METTL16: variants seen among roughly 807,000 people sequenced by gnomAD.
METTL16 encodes the protein methyltransferase 16, RNA N6-adenosine.
A neutral mutation model predicts 57.9 loss-of-function variants in METTL16; 19 were observed. That is an observed-to-expected ratio of 0.33 (90% CI 0.23 to 0.48). METTL16 has a LOEUF of 0.48. Among genes scored for constraint, METTL16 ranks in the 20% least tolerant of loss-of-function variants. The pLI, the probability that METTL16 is intolerant of heterozygous loss-of-function variation, is 0.99. For synonymous variants in METTL16, 246 were observed against 255.6 expected, an observed-to-expected ratio of 0.96 and a Z score of 0.36; for missense variants, 434 against 691.5, an observed-to-expected ratio of 0.63 and a Z score of 4.18.
Position 2,511,800 on chromosome 17 carries a change from G to A in METTL16, c.-42C>T, listed in dbSNP as rs374104875. On this transcript the variant is annotated 5_prime_UTR_variant, in exon 1 of 10. Coordinates refer to ENST00000263092, the MANE Select transcript of METTL16 (RefSeq NM_024086.4). ...CCTGCCAGACGTCGTGTCTGGCGTG[G>A]GCCTGTACAACCCTAGAATCTTAAA... The A allele has an allele frequency of 1.6e-4, 64 of 398,570 alleles. 3 individuals carry two copies. The South Asian group carries it at 7.6e-3, about 48-fold the overall frequency. The allele number at this position is 398,570 out of a possible 1,614,324, so 24.7% of individuals were successfully genotyped here.
intron 3 of METTL16, chr17:2,477,315 G>C (rs1467237243): frequency 4.9e-6 from 1 of 205,678 alleles, no homozygotes; most frequent in South Asian, 9.1e-5. Flanking sequence ...GGGAGAAAAG[G>C]CCAGGTGTAG....
At chr17:2,437,541 T>C (rs1005798370) in intron 8 of METTL16, among the ~76,000 whole-genome samples, 23 of 126,026 alleles carry the variant, frequency 1.8e-4, no homozygotes, top group African/African-American at 5.5e-4. Context: ...TTTAAAAAAA[T>C]TTTTATTTAT....
chr17:2,429,431 G>T (rs1031894409), intron 8 of METTL16, among the ~76,000 whole-genome samples: 1 of 145,886 alleles, frequency 6.9e-6, no homozygotes, highest in Non-Finnish European at 1.5e-5. Flanking sequence ...CAGGCAATCC[G>T]CCCGCCTCGG....
chr17:2,463,753 C>T (rs1388600958), intron 6 of METTL16, among the ~76,000 whole-genome samples: 1 of 152,022 alleles, frequency 6.6e-6, no homozygotes, highest in Non-Finnish European at 1.5e-5. Context: ...AGCCACCACG[C>T]CCAGCCTGCA....
In METTL16 at chr17:2,416,884, C is replaced by G. The variant is rs2066720814; in HGVS notation, c.*3086G>C. The stretch of plus-strand genomic sequence containing the variant: ...CAGAGGTATATGCTATGAAACAACA[C>G]ACAATTATAAAGCATATGCATGACC... On this transcript the variant is annotated 3_prime_UTR_variant, in exon 10 of 10. Coordinates refer to ENST00000263092, the MANE Select transcript of METTL16 (RefSeq NM_024086.4). The G allele has an allele frequency of 6.6e-6, 1 of 152,196 alleles. No individual in the cohort carries two copies. The highest frequency in any genetic ancestry group is 1.5e-5 in the Non-Finnish European group (1 of 68,186). The allele number at this position is 152,196 out of a possible 1,614,324, so 9.4% of individuals were successfully genotyped here. A position where few individuals can be genotyped will look rare whatever the true frequency, so the allele number is the denominator to read the frequency against.
intron 2 of METTL16, among the ~76,000 whole-genome samples, chr17:2,490,156 G>A (rs928212175): frequency 3.3e-5 from 5 of 152,162 alleles, no homozygotes; most frequent in Non-Finnish European, 7.3e-5. Context: ...CGATATGCAC[G>A]CAGGTGGGTA....
At chr17:2,511,351 T>A (rs1189682619) in intron 1 of METTL16, among the ~76,000 whole-genome samples, 3 of 152,130 alleles carry the variant, frequency 2.0e-5, no homozygotes, top group Non-Finnish European at 4.4e-5. Flanking sequence ...GAACTTCAAA[T>A]TCTTTCTGCA....
intron 6 of METTL16, among the ~76,000 whole-genome samples, chr17:2,454,221 C>T (rs1002253245): frequency 7.2e-5 from 11 of 152,150 alleles, no homozygotes; most frequent in Non-Finnish European, 1.5e-4. Flanking sequence ...TTTTTCCCCT[C>T]ACTGGGGAAC....
At chr17:2,448,773 T>G (rs1313720306) in intron 6 of METTL16, among the ~76,000 whole-genome samples, 2 of 29,612 alleles carry the variant, frequency 6.8e-5, no homozygotes, top group Non-Finnish European at 1.4e-4. Context: ...AAATAAAAAA[T>G]AAAAAAATAA....
intron 7 of METTL16, among the ~76,000 whole-genome samples, chr17:2,440,970 C>CAAAAAA (rs760521188): frequency 3.0e-3 from 102 of 33,722 alleles, no homozygotes; most frequent in East Asian, 7.6e-3. Context: ...GACTTGATCT[C>CAAAAAA]AAAAAAAAAA....
intron 1 of METTL16, among the ~76,000 whole-genome samples, chr17:2,507,872 T>A (rs1307753320): frequency 6.6e-6 from 1 of 152,090 alleles, no homozygotes; most frequent in African/African-American, 2.4e-5. Flanking sequence ...CCACTCAGGG[T>A]TGAATGGATG....
At chr17:2,448,789 T>TAAAATAAAAAAAAAAAAAAAA (rs2067041669) in intron 6 of METTL16, among the ~76,000 whole-genome samples, 1 of 47,734 alleles carries the variant, frequency 2.1e-5, no homozygotes, top group Non-Finnish European at 5.3e-5. Flanking sequence ...AATAAAAAAA[T>TAAAATAAAAAAAAAAAAAAAA]AAAAATAAAA....
At chr17:2,429,214 T>TTG (rs397932718) in intron 8 of METTL16, among the ~76,000 whole-genome samples, 1 of 147,472 alleles carries the variant, frequency 6.8e-6, no homozygotes, top group Non-Finnish European at 1.5e-5. Flanking sequence ...TTTTTTTTTT[T>TTG]GGAGATGTAG....
chr17:2,415,817 T>C (rs2066710066), downstream of METTL16: 1 of 152,550 alleles, frequency 6.6e-6, no homozygotes, highest in Admixed American at 6.5e-5. Flanking sequence ...GATCTTGGTA[T>C]TACTCCTGGC....
At chr17:2,459,969 C>A (rs1881061106) in intron 6 of METTL16, 2 of 152,214 alleles carry the variant, frequency 1.3e-5, no homozygotes. Flanking sequence ...CCATTGCACT[C>A]CAGCCTGGGC....
chr17:2,465,215 T>A (rs2067182909), intron 5 of METTL16, among the ~76,000 whole-genome samples: 1 of 152,068 alleles, frequency 6.6e-6, no homozygotes, highest in East Asian at 1.9e-4. Context: ...CACAGTGAGA[T>A]ACCACTTTTT....
intron 1 of METTL16, among the ~76,000 whole-genome samples, chr17:2,507,019 C>G (rs566891452): frequency 6.6e-6 from 1 of 151,296 alleles, no homozygotes; most frequent in African/African-American, 2.4e-5. Flanking sequence ...GCAGCCACCC[C>G]GTCTGGGAAG....
intron 6 of METTL16, among the ~76,000 whole-genome samples, chr17:2,457,207 G>A (rs370451999): frequency 3.3e-5 from 5 of 151,388 alleles, no homozygotes; most frequent in South Asian, 4.2e-4. Context: ...GCGTGGTGAC[G>A]GGCGCCTGTA....
At chr17:2,447,250 A>G (rs900168608) in intron 6 of METTL16, among the ~76,000 whole-genome samples, 18 of 145,516 alleles carry the variant, frequency 1.2e-4, no homozygotes, top group East Asian at 8.2e-4. Context: ...CTGGGATGTG[A>G]GGAGCGCCTC....
Sources: gnomAD v4.1 joint callset for allele counts (sites outside exome capture counted in the v4.1 genomes callset) on GRCh38, gnomAD v4.1.1 for gene constraint, MANE v1.5 for transcripts, NCBI Gene and HGNC (gene_info 2026-07-23, HGNC 2026-07-21) for gene names.